Variants in CHLSN observed in about 807,000 individuals in gnomAD.
CHLSN encodes protein cholesin.
At chr7:1,047,869 G>A in the CHLSN span, among the ~76,000 whole-genome samples, 1 of 152,184 alleles carries the variant, frequency 6.6e-6, no homozygotes, top group Non-Finnish European at 1.5e-5. Flanking sequence ...ACTCGCCTTG[G>A]TGGATCACTC....
At chr7:1,009,000 C>CAT in the CHLSN span, among the ~76,000 whole-genome samples, 2 of 49,498 alleles carry the variant, frequency 4.0e-5, no homozygotes, top group Admixed American at 4.4e-4. Context: ...CACACATACA[C>CAT]GCACACACAC....
At chr7:1,052,843 C>G in the CHLSN span, among the ~76,000 whole-genome samples, 2 of 152,180 alleles carry the variant, frequency 1.3e-5, no homozygotes, top group African/African-American at 2.4e-5. This position sits in a 1 kb window ranked among gnomAD's most constrained non-coding sequence, Gnocchi z 4.2. Flanking sequence ...GGCGGCCCTT[C>G]TCTGTGGTCT....
chr7:1,079,338 T>G, the CHLSN span, among the ~76,000 whole-genome samples: 1 of 152,120 alleles, frequency 6.6e-6, no homozygotes, highest in African/African-American at 2.4e-5. Flanking sequence ...TGGGGACACC[T>G]CAAATCACAC....
the CHLSN span, chr7:1,057,479 C>T: frequency 1.4e-6 from 1 of 728,006 alleles, no homozygotes; most frequent in South Asian, 1.5e-5. Context: ...CCACCTGTTC[C>T]TTCTTTCCGC....
chr7:1,072,966 G>C, the CHLSN span, among the ~76,000 whole-genome samples: 1 of 152,162 alleles, frequency 6.6e-6, no homozygotes, highest in Admixed American at 6.5e-5. Flanking sequence ...AATCGTTACA[G>C]GACTGACAGA....
the CHLSN span, chr7:1,022,810 C>T: frequency 3.3e-6 from 1 of 305,948 alleles, no homozygotes; most frequent in Non-Finnish European, 6.6e-6. Context: ...ATCCCATGCT[C>T]TCCCCCTTCC....
At chr7:1,021,688 CAGGA>C in the CHLSN span, 1 of 382,838 alleles carries the variant, frequency 2.6e-6, no homozygotes, top group Admixed American at 6.4e-5. Context: ...CGGCTGGAGG[CAGGA>C]CACCACCCCC....
chr7:1,019,851 T>C, the CHLSN span, among the ~76,000 whole-genome samples: 1 of 152,186 alleles, frequency 6.6e-6, no homozygotes, highest in Non-Finnish European at 1.5e-5. Flanking sequence ...ACTCCTGCCC[T>C]CCCAGGAAGT....
the CHLSN span, among the ~76,000 whole-genome samples, chr7:1,007,541 C>T: frequency 2.6e-5 from 4 of 152,118 alleles, no homozygotes; most frequent in African/African-American, 4.8e-5. Flanking sequence ...CAGCCAGATG[C>T]GGCTGGGCTT....
chr7:987,362 A>T, the CHLSN span: 1 of 1,589,654 alleles, frequency 6.3e-7, no homozygotes, highest in South Asian at 1.1e-5. Context: ...GTGCAGGAGG[A>T]GCTAGACCGC....
the CHLSN span, among the ~76,000 whole-genome samples, chr7:1,016,176 GCAGCACACGC>G: frequency 3.5e-4 from 27 of 77,532 alleles, no homozygotes; most frequent in African/African-American, 1.7e-3. Flanking sequence ...GCAGCACACA[GCAGCACACGC>G]CAGCACACAG....
At chr7:983,094 C>T in the CHLSN span, 1 of 906,628 alleles carries the variant, frequency 1.1e-6, no homozygotes, top group Non-Finnish European at 1.5e-6. Context: ...ACTGCTCGTT[C>T]CACATTCTCG....
At chr7:1,021,403 G>A in the CHLSN span, 2 of 985,462 alleles carry the variant, frequency 2.0e-6, no homozygotes, top group South Asian at 9.4e-5. Context: ...CTGAACCAGA[G>A]TCGGAAGCTG....
chr7:991,228 G>A, the CHLSN span, among the ~76,000 whole-genome samples: 1 of 152,034 alleles, frequency 6.6e-6, no homozygotes, highest in South Asian at 2.1e-4. Context: ...TCCCCTCAAA[G>A]CACTAAGACA....
the CHLSN span, among the ~76,000 whole-genome samples, chr7:999,365 C>T: frequency 5.4e-4 from 82 of 152,330 alleles, no homozygotes; most frequent in African/African-American, 1.9e-3. Context: ...CTGTTCCAGT[C>T]AATTCTACTT....
At chr7:1,059,740 G>A in the CHLSN span, among the ~76,000 whole-genome samples, 56 of 53,246 alleles carry the variant, frequency 1.1e-3, no homozygotes, top group East Asian at 1.9e-3. Context: ...TAGGGGGGCG[G>A]GTCCGTAGTG....
chr7:1,009,753 C>G, the CHLSN span, among the ~76,000 whole-genome samples: 1 of 152,244 alleles, frequency 6.6e-6, no homozygotes, highest in Admixed American at 6.5e-5. Context: ...GCTCTGCTGC[C>G]GCCCCTGAAA....
the CHLSN span, among the ~76,000 whole-genome samples, chr7:1,127,059 G>A: frequency 6.6e-6 from 1 of 152,174 alleles, no homozygotes; most frequent in South Asian, 2.1e-4. Context: ...GGCAGTCATA[G>A]GGTTCCAACT....
At chr7:993,387 G>A in the CHLSN span, among the ~76,000 whole-genome samples, 15 of 152,312 alleles carry the variant, frequency 9.8e-5, 1 homozygote, top group Admixed American at 8.5e-4. Flanking sequence ...CAGGCAGGCA[G>A]AGAAAGAGCC....
Sources: gnomAD v4.1 joint callset for allele counts (sites outside exome capture counted in the v4.1 genomes callset) on GRCh38, gnomAD v4.1.1 for gene constraint, Gnocchi (gnomAD v3.1) non-coding constraint, MANE v1.5 for transcripts, NCBI Gene and HGNC (gene_info 2026-07-23, HGNC 2026-07-21) for gene names.